Variants in ZFHX3 observed in about 807,000 individuals in gnomAD.
ZFHX3 encodes the protein zinc finger homeobox 3.
A neutral mutation model predicts 279.1 loss-of-function variants in ZFHX3; 42 were observed. The observed-to-expected ratio is 0.15, with a 90% CI of 0.12 to 0.19. ZFHX3 has a LOEUF of 0.19. ZFHX3 is among the 10% of genes least tolerant of loss of function. The pLI is 1.00. For synonymous variants in ZFHX3, 2,293 were observed against 1,957.8 expected, an observed-to-expected ratio of 1.17 and a Z score of -4.52; for missense variants, 4,981 against 4,754.0, an observed-to-expected ratio of 1.05 and a Z score of -1.40.
At chr16:73,036,004 T>C (rs1964887132) in intron 1 of ZFHX3, among the ~76,000 whole-genome samples, 1 of 152,262 alleles carries the variant, frequency 6.6e-6, no homozygotes, top group Admixed American at 6.5e-5. Context: ...CCTGATTTCT[T>C]ACTATCAAGA....
chr16:73,850,001 G>A (rs1220907215), intron 1 of ZFHX3, among the ~76,000 whole-genome samples: 1 of 152,156 alleles, frequency 6.6e-6, no homozygotes, highest in East Asian at 1.9e-4. Context: ...CCAAAGTGCT[G>A]GGATTACAGG....
intron 2 of ZFHX3, among the ~76,000 whole-genome samples, chr16:73,638,997 A>G (rs569089561): frequency 6.6e-6 from 1 of 152,338 alleles, no homozygotes; most frequent in South Asian, 2.1e-4. Context: ...GAAGAGTTAT[A>G]TATTAGCATT....
chr16:72,983,973 T>C (rs1396186886), intron 1 of ZFHX3, among the ~76,000 whole-genome samples: 4 of 152,226 alleles, frequency 2.6e-5, no homozygotes, highest in African/African-American at 9.6e-5. Context: ...GTTGGCTCTC[T>C]ATGGCCTGGC....
chr16:73,450,693 T>G (rs2018269173), intron 3 of ZFHX3, among the ~76,000 whole-genome samples: 1 of 152,230 alleles, frequency 6.6e-6, no homozygotes, highest in Non-Finnish European at 1.5e-5. Flanking sequence ...CTTTCATATT[T>G]TAATCCTCAA....
intron 8 of ZFHX3, among the ~76,000 whole-genome samples, chr16:73,087,183 C>T (rs1009508553): frequency 1.3e-5 from 2 of 152,090 alleles, no homozygotes; most frequent in Admixed American, 6.6e-5. Context: ...TCCTGGTCTA[C>T]GAACACAGTA....
At chr16:73,669,910 T>C (rs2052884415) in intron 2 of ZFHX3, among the ~76,000 whole-genome samples, 1 of 152,198 alleles carries the variant, frequency 6.6e-6, no homozygotes, top group Non-Finnish European at 1.5e-5. Context: ...GCTAAGCTGT[T>C]GTACTTGACT....
chr16:73,255,296 A>C (rs2013632271), intron 5 of ZFHX3, among the ~76,000 whole-genome samples: 1 of 152,240 alleles, frequency 6.6e-6, no homozygotes, highest in Non-Finnish European at 1.5e-5. Context: ...TATTTGAGAC[A>C]TTAAATCCAA....
chr16:73,419,619 T>A (rs2017675308), intron 3 of ZFHX3, among the ~76,000 whole-genome samples: 1 of 151,522 alleles, frequency 6.6e-6, no homozygotes, highest in Non-Finnish European at 1.5e-5. Context: ...GCCATATGAT[T>A]TTTTTTTTGA....
chr16:73,669,473 G>C (rs184418694), intron 2 of ZFHX3, among the ~76,000 whole-genome samples: 1 of 152,176 alleles, frequency 6.6e-6, no homozygotes, highest in African/African-American at 2.4e-5. Flanking sequence ...TTCCTGGCTG[G>C]TGCTCCTGTG....
chr16:73,458,313 CCTTCCTCCCTCA>C (rs201871752), intron 2 of ZFHX3, among the ~76,000 whole-genome samples: 19,957 of 137,372 alleles, frequency 0.15, 2,663 homozygotes, highest in East Asian at 0.4. Flanking sequence ...TCTTTCCCTC[CCTTCCTCCCTCA>C]CTTCCTCCCT....
chr16:73,873,869 C>A (rs936172657), intron 1 of ZFHX3, among the ~76,000 whole-genome samples: 3 of 152,002 alleles, frequency 2.0e-5, no homozygotes, highest in Non-Finnish European at 4.4e-5. Flanking sequence ...TCAGCCCTGA[C>A]CTTCAGATAA....
intron 1 of ZFHX3, among the ~76,000 whole-genome samples, chr16:73,801,907 C>T (rs536687181): frequency 1.8e-4 from 27 of 152,306 alleles, no homozygotes; most frequent in African/African-American, 6.5e-4. Context: ...GCAGCTCTCA[C>T]ATTCTGGCTT....
At chr16:72,950,043 G>A (rs1212435770) in intron 3 of ZFHX3, among the ~76,000 whole-genome samples, 14 of 143,074 alleles carry the variant, frequency 9.8e-5, no homozygotes, top group African/African-American at 3.4e-4. Context: ...AGGAAGGGAG[G>A]AACAAAACAC....
chr16:72,900,492 A>G (rs1376226020), intron 3 of ZFHX3, among the ~76,000 whole-genome samples: 1 of 152,262 alleles, frequency 6.6e-6, no homozygotes, highest in Non-Finnish European at 1.5e-5. Context: ...ACTTCCACAT[A>G]TGTGAAAATC....
intron 4 of ZFHX3, among the ~76,000 whole-genome samples, chr16:72,840,487 T>C (rs931798527): frequency 2.0e-5 from 3 of 152,138 alleles, no homozygotes; most frequent in African/African-American, 2.4e-5. Context: ...GACGGACTAT[T>C]TGGGGCAAAG....
At chr16:72,789,508 G>A (rs571094146) in intron 9 of ZFHX3, 3 of 152,502 alleles carry the variant, frequency 2.0e-5, no homozygotes, top group Admixed American at 6.5e-5. Context: ...AACAGGAGAA[G>A]AGAGAACGAA....
intron 1 of ZFHX3, among the ~76,000 whole-genome samples, chr16:73,885,789 G>C (rs2030326996): frequency 6.6e-6 from 1 of 152,088 alleles, no homozygotes; most frequent in African/African-American, 2.4e-5. Context: ...GATATAATAT[G>C]AGCCATCTGT....
At chr16:73,449,550 T>A (rs1404120979) in intron 3 of ZFHX3, among the ~76,000 whole-genome samples, 1 of 152,120 alleles carries the variant, frequency 6.6e-6, no homozygotes, top group Non-Finnish European at 1.5e-5. Context: ...AAAATTCGCC[T>A]AATAAAGGTA....
intron 3 of ZFHX3, among the ~76,000 whole-genome samples, chr16:72,947,319 C>T (rs972336374): frequency 1.3e-5 from 2 of 152,228 alleles, no homozygotes; most frequent in African/African-American, 2.4e-5. Context: ...CCATTCCAGG[C>T]AACGAAGACA....
Sources: allele counts gnomAD v4.1 joint callset (sites outside exome capture counted in the v4.1 genomes callset), GRCh38; gene constraint gnomAD v4.1.1; transcripts MANE v1.5; gene names NCBI Gene and HGNC (gene_info 2026-07-23, HGNC 2026-07-21).